The following ARMC12 variants were observed in gnomAD, a reference collection of about 807,000 sequenced individuals.
ARMC12 encodes the protein armadillo repeat containing 12, also known as armadillo repeat-containing protein 12.
Under a neutral mutation model 37.4 loss-of-function variants are expected in ARMC12, and 25 were observed. That is an observed-to-expected ratio of 0.67 (90% CI 0.49 to 0.93). ARMC12 has a LOEUF of 0.93. Among genes scored for constraint, ARMC12 ranks in the 40% least tolerant of loss-of-function variants. The pLI, the probability that ARMC12 is intolerant of heterozygous loss-of-function variation, is 0.00. For synonymous variants in ARMC12, 167 were observed against 176.1 expected (o/e 0.95, Z 0.41); for missense variants, 384 against 426.6 (o/e 0.90, Z 0.88).
At chr6:35,742,353 G>A (rs1271774555) in intron 3 of ARMC12, among the ~76,000 whole-genome samples, 5 of 151,544 alleles carry the variant, frequency 3.3e-5, no homozygotes, top group Admixed American at 2.0e-4. Context: ...AAAATTAGCC[G>A]GACGTGGTGG....
chr6:35,743,739 A>G (rs914367185), intron 3 of ARMC12, among the ~76,000 whole-genome samples: 6 of 151,786 alleles, frequency 4.0e-5, no homozygotes, highest in Non-Finnish European at 7.4e-5. Context: ...CCATGGAGAA[A>G]AATAAAAGGC....
rs1306254682 is a variant in ARMC12, at chr6:35,737,970, C to T, written c.164-57C>T. 4 of 1,604,254 alleles carry T rather than the reference C, an allele frequency of 2.5e-6. No individual in the cohort carries two copies. In the South Asian group the frequency reaches 4.4e-5, roughly 18 times the overall value. ...AGTCCCTGTCCCCTACTTCCCAACC[C>T]CATTCTTTCATCACTTCTGAGTCCA... On this transcript the variant is annotated intron_variant, in intron 1 of 5. Transcript: ENST00000373866.
At chr6:35,742,532 T>G (rs1165512582) in intron 3 of ARMC12, among the ~76,000 whole-genome samples, 1 of 147,336 alleles carries the variant, frequency 6.8e-6, no homozygotes, top group East Asian at 2.0e-4. Flanking sequence ...CCCAGGGAGT[T>G]CAGTTCAACA....
chr6:35,747,764 C>G (rs1767388188), intron 5 of ARMC12, 117 bp downstream of exon 5: 1 of 1,053,138 alleles, frequency 9.5e-7, no homozygotes. Context: ...ATCTTCCTGC[C>G]TCTGCACTAA....
Position 35,748,749 on chromosome 6 carries a change from C to T in ARMC12, c.902C>T (p.Pro301Leu). The T allele has an allele frequency of 6.2e-7, 1 of 1,614,250 alleles. No homozygotes were observed. The highest frequency in any genetic ancestry group is 8.5e-7 in the Non-Finnish European group (1 of 1,180,046). The stretch of plus-strand genomic sequence containing the variant: ...CGACTACTTGCCCTGGTCATCCACC[C>T]TGAGGAAGATGTTCAGATCCAGGCC... Reference protein sequence around the residue: ...ADRLLALVIHPEEDVQIQACK... With the variant: ...ADRLLALVIHLEEDVQIQACK... The change falls in exon 6 of 6, where the codon CCT (proline) becomes CTT (leucine). Residue 301 changes from proline to leucine, a missense_variant. By Grantham distance (98) the Pro-to-Leu change is moderately conservative (BLOSUM62 -3). Coordinates refer to ENST00000373866, the MANE Select transcript of ARMC12 (RefSeq NM_001286574.2).
chr6:35,745,771 C>T (rs578168426), intron 3 of ARMC12, among the ~76,000 whole-genome samples: 11 of 152,268 alleles, frequency 7.2e-5, no homozygotes, highest in Admixed American at 2.0e-4. Context: ...AAAGGCCGGG[C>T]GCGGAGGCTC....
At position 35,738,084 on chromosome 6, in the gene ARMC12, T is replaced by C; in HGVS notation, c.221T>C (p.Leu74Pro). 6.2e-7 allele frequency: 1 copy of C among 1,614,078 alleles called. No homozygotes were observed. The highest frequency in any genetic ancestry group is 8.5e-7 in the Non-Finnish European group (1 of 1,180,028). The change falls in exon 2 of 6, where the codon CTC becomes CCC. Residue 74 changes from leucine (L) to proline (P), a missense_variant. Transcript: ENST00000373866. ...GACTCAGGTGAGCTCCGGAGGCTCC[T>C]CAACTCTTTGGAGTGCAAACAGGAT... ...GRDSGELRRL[L>P]NSLECKQDEY...
intron 3 of ARMC12, among the ~76,000 whole-genome samples, chr6:35,741,938 A>G (rs1363727143): frequency 6.6e-6 from 1 of 151,674 alleles, no homozygotes; most frequent in Non-Finnish European, 1.5e-5. Context: ...GCTTACTGCA[A>G]CCTCCACCTC....
rs1437673228 is a variant in ARMC12, at chr6:35,738,012, G to A, written c.164-15G>A. ...CTGAGTCCACAGCCTGAACTGGGCT[G>A]GGGTGGCTGTCTAGGCCTGGCAGTC... is the stretch of plus-strand genomic sequence containing the variant. On this transcript the variant is annotated splice_polypyrimidine_tract_variant and intron_variant, in intron 1 of 5. Transcript: ENST00000373866. 1 of 1,611,852 alleles carries A rather than the reference G, an allele frequency of 6.2e-7. No homozygotes were observed. The highest frequency in any genetic ancestry group is 2.2e-5 in the East Asian group (1 of 44,872).
In ARMC12 at chr6:35,748,549, C is replaced by T. The variant is rs1767408560; in HGVS notation, c.702C>T (p.Asn234=). 6.7e-7 allele frequency: 1 copy of T among 1,492,078 alleles called. No homozygotes were observed. Among genetic ancestry groups the T allele is most frequent in the African/African-American group, 1.4e-5 (1 of 70,770 alleles). The allele number at this position is 1,492,078 out of a possible 1,614,324, so 92.4% of individuals were successfully genotyped here. The change falls in exon 6 of 6, where the codon AAC becomes AAT. Residue 234 remains asparagine (N), a synonymous_variant. Coordinates refer to ENST00000373866, the MANE Select transcript of ARMC12 (RefSeq NM_001286574.2). Reference sequence around the variant, plus strand: ...TATTCCCATCACAGGTTCACTCCAACTTCCTAAACCTGTTCCAGCCCACAC... The same window carrying T: ...TATTCCCATCACAGGTTCACTCCAATTTCCTAAACCTGTTCCAGCCCACAC... ...YDILNCQVHS[N]FLNLFQPTQS...
At chr6:35,742,315 G>A (rs1206580608) in intron 3 of ARMC12, among the ~76,000 whole-genome samples, 1 of 151,564 alleles carries the variant, frequency 6.6e-6, no homozygotes, top group Non-Finnish European at 1.5e-5. Context: ...AGCCAACATG[G>A]AGAAACCCCG....
intron 1 of ARMC12, 174 bp from the exon 2 acceptor site, chr6:35,737,853 C>G: frequency 1.3e-6 from 1 of 779,852 alleles, no homozygotes; most frequent in South Asian, 1.6e-5. Context: ...AGATAGGGTG[C>G]CCTTGTGCAG....
chr6:35,740,897 G>GTT (rs11365534), intron 3 of ARMC12, among the ~76,000 whole-genome samples: 2,702 of 116,348 alleles, frequency 0.023, 82 homozygotes, highest in African/African-American at 0.048. Context: ...CTTCCTTCTG[G>GTT]TTTTTTTTTT....
Position 35,738,020 on chromosome 6 carries a change from T to A in ARMC12, c.164-7T>A, listed in dbSNP as rs1408047764. On this transcript the variant is annotated splice_region_variant and splice_polypyrimidine_tract_variant and intron_variant, in intron 1 of 5. Coordinates refer to ENST00000373866, the MANE Select transcript of ARMC12 (RefSeq NM_001286574.2). ...ACAGCCTGAACTGGGCTGGGGTGGC[T>A]GTCTAGGCCTGGCAGTCGAGCGAGA... is the stretch of plus-strand genomic sequence containing the variant. The A allele has an allele frequency of 6.2e-7, 1 of 1,612,510 alleles. No homozygotes were observed. The highest frequency in any genetic ancestry group is 8.5e-7 in the Non-Finnish European group (1 of 1,179,986).
intron 3 of ARMC12, among the ~76,000 whole-genome samples, chr6:35,742,609 C>CT (rs749349173): frequency 6.6e-6 from 1 of 151,578 alleles, no homozygotes; most frequent in Non-Finnish European, 1.5e-5. Flanking sequence ...CCCACTCTTC[C>CT]TTTTTTTCCC....
At chr6:35,747,089 T>G (rs1767362067) in intron 3 of ARMC12, among the ~76,000 whole-genome samples, 172 bp from the exon 4 acceptor site, 1 of 119,036 alleles carries the variant, frequency 8.4e-6, no homozygotes, top group Non-Finnish European at 1.7e-5. Flanking sequence ...AAATAAAGAA[T>G]TTCAAGGCAG....
chr6:35,748,700 G>T lies in ARMC12; in HGVS notation c.853G>T (p.Gly285Trp), dbSNP rs1413819633. 2 of 1,614,170 alleles carry T rather than the reference G, an allele frequency of 1.2e-6. No homozygotes were observed. The highest frequency in any genetic ancestry group is 8.5e-7 in the Non-Finnish European group (1 of 1,180,024). The change falls in exon 6 of 6, where the codon GGG becomes TGG. Residue 285 changes from glycine to tryptophan, a missense_variant. Transcript: ENST00000373866. ...ACAGTCCCTGCATGAATCCCTCTTT[G>T]GGGAAGAGTCCCGACTGGCAGACCG... ...NEQSLHESLF[G>W]EESRLADRLL...
Position 35,737,052 on chromosome 6 carries a change from C to A in ARMC12, c.-57C>A. 6.3e-7 allele frequency: 1 copy of A among 1,599,142 alleles called. No individual in the cohort carries two copies. The highest frequency in any genetic ancestry group is 8.5e-7 in the Non-Finnish European group (1 of 1,171,362). On this transcript the variant is annotated 5_prime_UTR_variant, in exon 1 of 6. Transcript: ENST00000373866. ...CTGCCAGAGTTCTGGTTCCGGAAGG[C>A]CCCCCACAGGTGCCTTGGGCCTAGC...
At chr6:35,735,988 A>G (rs771570414), upstream of ARMC12, 3 of 152,234 alleles carry the variant, frequency 2.0e-5, no homozygotes, top group Non-Finnish European at 2.9e-5. The surrounding 1 kb of genome is among the most constrained non-coding windows in gnomAD (Gnocchi z 4.0). Flanking sequence ...AAATGCAGAA[A>G]CAGACTAAGG....
Sources: allele counts gnomAD v4.1 joint callset (sites outside exome capture counted in the v4.1 genomes callset), GRCh38; gene constraint gnomAD v4.1.1; non-coding constraint Gnocchi (gnomAD v3.1); transcripts MANE v1.5; gene names NCBI Gene and HGNC (gene_info 2026-07-23, HGNC 2026-07-21).